NRP2: variants seen among roughly 807,000 people sequenced by gnomAD.
NRP2 encodes the protein neuropilin 2, also known as neuropilin-2.
In NRP2, 52 loss-of-function variants were observed where a neutral mutation model predicts 110.4. The ratio of observed to expected loss-of-function variants is 0.47; its 90% CI spans 0.38 to 0.59. The LOEUF (loss-of-function observed/expected upper bound fraction) is 0.59. Ranked by LOEUF, NRP2 falls within the 20% of genes least tolerant of loss-of-function variation. The pLI, the probability that NRP2 is intolerant of heterozygous loss-of-function variation, is 0.00. For synonymous variants in NRP2, 508 were observed against 468.9 expected, an observed-to-expected ratio of 1.08 and a Z score of -1.08; for missense variants, 1,049 against 1,203.0, an observed-to-expected ratio of 0.87 and a Z score of 1.89.
In NRP2 at chr2:205,722,379, G is replaced by A. The variant is rs550840573; in HGVS notation, c.434-99G>A. 1.5e-4 allele frequency: 147 copies of A among 960,642 alleles called. No individual in the cohort carries two copies. In the African/African-American group the frequency reaches 1.8e-3, roughly 12 times the overall value. The allele number at this position is 960,642 out of a possible 1,614,324, so 59.5% of individuals were successfully genotyped here. A position where few individuals can be genotyped will look rare whatever the true frequency, so the allele number is the denominator to read the frequency against. Reference sequence around the variant, plus strand: ...TCCAGTAGCAACAAAAACCTCAAGAGCAGGGGGATTTGGGGCCAAACATTT... The same window carrying A: ...TCCAGTAGCAACAAAAACCTCAAGAACAGGGGGATTTGGGGCCAAACATTT... On this transcript the variant is annotated intron_variant, in intron 3 of 16. Transcript: ENST00000357785.
At position 205,723,807 on chromosome 2, in the gene NRP2, CTG is replaced by C. The variant is rs769659336; in HGVS notation, c.690_691del (p.Cys230TrpfsTer7). On this transcript the variant is annotated frameshift_variant, in exon 5 of 17. Transcript: ENST00000357785. LOFTEE classifies it high-confidence loss of function. ...CAGTTGGCCCCCTGATTGGCAAGTA[CTG>C]TGGGACCAAAACACCCTCTGAACTT... Reference protein sequence around the residue: ...PHVGPLIGKYCGTKTPSELRS... With the variant: ...PHVGPLIGKYXGTKTPSELRS... 6.2e-7 allele frequency: 1 copy of C among 1,614,212 alleles called. No homozygotes were observed. Among genetic ancestry groups the C allele is most frequent in the Non-Finnish European group, 8.5e-7 (1 of 1,180,036 alleles).
chr2:205,783,962 T>C (rs1161418642), intron 15 of NRP2, among the ~76,000 whole-genome samples: 3 of 149,134 alleles, frequency 2.0e-5, no homozygotes, highest in Non-Finnish European at 4.5e-5. Context: ...GAAAGCAGCA[T>C]GAGTTGAGAT....
intron 2 of NRP2, among the ~76,000 whole-genome samples, chr2:205,711,071 A>T (rs919227812): frequency 6.6e-6 from 1 of 152,238 alleles, no homozygotes; most frequent in Admixed American, 6.5e-5. Flanking sequence ...ATAGCTCAGT[A>T]AATGTGTTGG....
chr2:205,731,408 G>A (rs898988671), intron 7 of NRP2, among the ~76,000 whole-genome samples: 20 of 152,136 alleles, frequency 1.3e-4, no homozygotes, highest in African/African-American at 4.3e-4. Flanking sequence ...CAAGAAGGGC[G>A]CATGGAGAGC....
At position 205,786,191 on chromosome 2, in the gene NRP2, G is replaced by A. The variant is rs189002385; in HGVS notation, c.2426-6044G>A. 2.9e-3 allele frequency among the ~76,000 whole-genome samples: 441 copies of A among 152,270 alleles called. 2 individuals are homozygous for A. Among genetic ancestry groups the A allele is most frequent in the Non-Finnish European group, 5.2e-3 (354 of 68,020 alleles). On this transcript the variant is annotated intron_variant, in intron 15 of 16. Transcript: ENST00000357785. ...GGAAATTAAGTGTGGTGGGGAAGGCGGACCTTCAGCCAATACTAAATATTA... is the reference window on the plus strand; with the variant it reads ...GGAAATTAAGTGTGGTGGGGAAGGCAGACCTTCAGCCAATACTAAATATTA...
At chr2:205,694,455 C>G (rs2056380287) in intron 1 of NRP2, among the ~76,000 whole-genome samples, 1 of 152,192 alleles carries the variant, frequency 6.6e-6, no homozygotes, top group Admixed American at 6.5e-5. Flanking sequence ...TTTGCTATCT[C>G]TCTTCGGGTG....
intron 7 of NRP2, among the ~76,000 whole-genome samples, 172 bp downstream of exon 7, chr2:205,728,218 G>A (rs2057167186): frequency 3.9e-5 from 6 of 152,188 alleles, no homozygotes. Flanking sequence ...TTAGGCTAAA[G>A]CGATTGGAAA....
intron 12 of NRP2, among the ~76,000 whole-genome samples, chr2:205,758,697 G>A (rs2057772879): frequency 6.6e-6 from 1 of 152,172 alleles, no homozygotes; most frequent in Non-Finnish European, 1.5e-5. Flanking sequence ...AGGAGGAGAG[G>A]AATTGTATCT....
chr2:205,690,353 A>G (rs2056283500), intron 1 of NRP2, among the ~76,000 whole-genome samples: 1 of 152,196 alleles, frequency 6.6e-6, no homozygotes, highest in Non-Finnish European at 1.5e-5. Flanking sequence ...CTGGTGGTAC[A>G]GATAACCAAT....
At chr2:205,790,822 G>C (rs140461014) in intron 15 of NRP2, among the ~76,000 whole-genome samples, 1 of 152,286 alleles carries the variant, frequency 6.6e-6, no homozygotes, top group Non-Finnish European at 1.5e-5. Flanking sequence ...GGGCGTTGAG[G>C]TGGGGAGGCT....
chr2:205,764,134 T>C, intron 13 of NRP2, 198 bp downstream of exon 13: 1 of 672,286 alleles, frequency 1.5e-6, no homozygotes, highest in Non-Finnish European at 2.5e-6. Context: ...TTGTTCCTCC[T>C]GTTGCCTTTT....
chr2:205,739,670 T>C, intron 7 of NRP2, among the ~76,000 whole-genome samples: 1 of 150,462 alleles, frequency 6.6e-6, no homozygotes, highest in South Asian at 2.1e-4. Flanking sequence ...CACATATACT[T>C]TGCTCTAGTT....
At chr2:205,791,153 C>T (rs576732294) in intron 15 of NRP2, among the ~76,000 whole-genome samples, 1 of 152,226 alleles carries the variant, frequency 6.6e-6, no homozygotes, top group South Asian at 2.1e-4. Flanking sequence ...AGGAAGCTTT[C>T]GGGATGGTCT....
intron 3 of NRP2, among the ~76,000 whole-genome samples, chr2:205,717,351 G>C (rs759661241): frequency 6.6e-6 from 1 of 152,186 alleles, no homozygotes; most frequent in Non-Finnish European, 1.5e-5. Flanking sequence ...TGTCAGCCTT[G>C]TCATCAAGAG....
chr2:205,779,523 A>T (rs763088225), intron 15 of NRP2: 11 of 152,230 alleles, frequency 7.2e-5, no homozygotes, highest in Non-Finnish European at 1.2e-4. Context: ...AAATAATCGA[A>T]AATTACCAAA....
At chr2:205,734,162 CTCTG>C (rs2057296463) in intron 7 of NRP2, among the ~76,000 whole-genome samples, 1 of 140,432 alleles carries the variant, frequency 7.1e-6, no homozygotes, top group South Asian at 2.1e-4. Context: ...CTTAATCTCT[CTCTG>C]TGTTTATATA....
chr2:205,787,871 G>T (rs1276909550), intron 15 of NRP2, among the ~76,000 whole-genome samples: 1 of 152,086 alleles, frequency 6.6e-6, no homozygotes, highest in African/African-American at 2.4e-5. Flanking sequence ...TGTCTTGGGG[G>T]TGTTTCCCCT....
chr2:205,784,207 C>T (rs1331722075), intron 15 of NRP2, among the ~76,000 whole-genome samples: 1 of 152,182 alleles, frequency 6.6e-6, no homozygotes, highest in Non-Finnish European at 1.5e-5. Context: ...GACTGGACTT[C>T]CCTGCAACTT....
intron 2 of NRP2, among the ~76,000 whole-genome samples, chr2:205,711,966 G>T (rs2105781462): frequency 6.6e-6 from 1 of 152,304 alleles, no homozygotes; most frequent in East Asian, 1.9e-4. Context: ...TTTGCCTAGT[G>T]ATGAGAGGAA....
Sources: allele counts gnomAD v4.1 joint callset (sites outside exome capture counted in the v4.1 genomes callset), GRCh38; gene constraint gnomAD v4.1.1; transcripts MANE v1.5; gene names NCBI Gene and HGNC (gene_info 2026-07-23, HGNC 2026-07-21).